CYP4X1: variants seen among roughly 807,000 people sequenced by gnomAD.
CYP4X1 encodes cytochrome P450 4X1.
CYP4X1 carries 44 observed loss-of-function variants against 57.9 expected under a neutral mutation model. That is an observed-to-expected ratio of 0.76 (90% CI 0.60 to 0.98). The LOEUF is 0.98. Ranked by LOEUF, CYP4X1 falls within the 50% of genes least tolerant of loss-of-function variation. The pLI, the probability that CYP4X1 is intolerant of heterozygous loss-of-function variation, is 0.00. For synonymous variants in CYP4X1, 227 were observed against 228.6 expected (o/e 0.99, Z 0.06); for missense variants, 532 against 623.9 (o/e 0.85, Z 1.57).
the CYP4X1 span, among the ~76,000 whole-genome samples, chr1:46,978,087 C>T: frequency 6.6e-6 from 1 of 152,186 alleles, no homozygotes. Flanking sequence ...AAATAACCAG[C>T]TAACATCATA....
chr1:47,044,801 G>A (rs550981602), intron 8 of CYP4X1, among the ~76,000 whole-genome samples: 1 of 151,660 alleles, frequency 6.6e-6, no homozygotes, highest in East Asian at 1.9e-4. Flanking sequence ...ATTATGCAAA[G>A]TGCCAGGGTA....
the CYP4X1 span, among the ~76,000 whole-genome samples, chr1:46,975,463 C>G: frequency 6.6e-6 from 1 of 152,052 alleles, no homozygotes; most frequent in Admixed American, 6.5e-5. Context: ...GTTGGGATTT[C>G]TTTTCTTTAA....
intron 4 of CYP4X1, 37 bp downstream of exon 4, chr1:47,033,405 A>G: frequency 6.2e-7 from 1 of 1,611,544 alleles, no homozygotes; most frequent in Non-Finnish European, 8.5e-7. Flanking sequence ...GCATTGCGAA[A>G]TGCTCCCAGC....
rs759557896 is a variant in CYP4X1 at position 47,033,226 on chromosome 1, C to T, written c.365-15C>T. The T allele has an allele frequency of 1.9e-5, 30 of 1,609,192 alleles. No individual in the cohort carries two copies. Among genetic ancestry groups the T allele is most frequent in the South Asian group, 2.2e-5 (2 of 90,314 alleles). On this transcript the variant is annotated splice_polypyrimidine_tract_variant and intron_variant, in intron 3 of 11. Coordinates refer to ENST00000371901, the MANE Select transcript of CYP4X1 (RefSeq NM_178033.2). ...AATTAAATGGCATAAGGTTTTCTGC[C>T]TTTTATTTCTCAAGGAAAAGGACTA... is the stretch of plus-strand genomic sequence containing the variant.
the CYP4X1 span, among the ~76,000 whole-genome samples, chr1:47,012,573 C>T: frequency 4.6e-4 from 69 of 151,506 alleles, no homozygotes; most frequent in African/African-American, 1.5e-3. Context: ...AAAAAACTAT[C>T]GATATTCAAA....
At chr1:46,977,984 A>T in the CYP4X1 span, among the ~76,000 whole-genome samples, 50 of 152,280 alleles carry the variant, frequency 3.3e-4, no homozygotes, top group Middle Eastern at 3.4e-3. Context: ...AGCACTAAAG[A>T]TGGAAAGGAA....
the CYP4X1 span, among the ~76,000 whole-genome samples, chr1:46,981,547 G>T: frequency 6.4e-3 from 970 of 152,300 alleles, 7 homozygotes; most frequent in African/African-American, 0.022. Context: ...GTGTAAACTA[G>T]TTCAACCATT....
downstream of CYP4X1, among the ~76,000 whole-genome samples, chr1:47,051,822 C>T (rs1353220758): frequency 6.6e-6 from 1 of 152,090 alleles, no homozygotes; most frequent in Non-Finnish European, 1.5e-5. Context: ...TTTTCTGGTA[C>T]AAACCCAAAT....
chr1:46,980,513 G>A, the CYP4X1 span, among the ~76,000 whole-genome samples: 1 of 152,168 alleles, frequency 6.6e-6, no homozygotes, highest in African/African-American at 2.4e-5. Flanking sequence ...CCATGCTCAT[G>A]GATAGGAAAA....
At chr1:47,053,045 T>G (rs1290591795), downstream of CYP4X1, among the ~76,000 whole-genome samples, 2 of 152,160 alleles carry the variant, frequency 1.3e-5, no homozygotes, top group East Asian at 3.9e-4. Flanking sequence ...ATTAGGTATA[T>G]CTCCTAATGC....
intron 8 of CYP4X1, among the ~76,000 whole-genome samples, chr1:47,043,859 C>G (rs1557609989): frequency 6.6e-6 from 1 of 152,134 alleles, no homozygotes; most frequent in East Asian, 1.9e-4. Context: ...CTTCTTGTCT[C>G]TTTTTACAGT....
intron 2 of CYP4X1, among the ~76,000 whole-genome samples, chr1:47,031,066 A>G (rs9793989): frequency 0.094 from 14,337 of 152,282 alleles, 726 homozygotes; most frequent in East Asian, 0.22. Context: ...ACCTCAATAC[A>G]TGGTGTCTAC....
the CYP4X1 span, among the ~76,000 whole-genome samples, chr1:46,972,636 G>A: frequency 6.6e-6 from 1 of 152,066 alleles, no homozygotes; most frequent in Non-Finnish European, 1.5e-5. Context: ...AATTCTTCTT[G>A]TACAGACCTT....
At chr1:46,965,899 C>T in the CYP4X1 span, among the ~76,000 whole-genome samples, 4 of 152,184 alleles carry the variant, frequency 2.6e-5, no homozygotes, top group African/African-American at 9.7e-5. Flanking sequence ...AGAACCCTGG[C>T]TGGAGTGATG....
chr1:46,962,410 G>A, the CYP4X1 span, among the ~76,000 whole-genome samples: 1 of 152,150 alleles, frequency 6.6e-6, no homozygotes, highest in African/African-American at 2.4e-5. Flanking sequence ...GAGCCACCTT[G>A]CCTGGCCAAG....
At chr1:47,029,844 C>T in intron 1 of CYP4X1, 146 bp from the exon 2 acceptor site, 1 of 810,736 alleles carries the variant, frequency 1.2e-6, no homozygotes, top group South Asian at 1.9e-5. Context: ...CTTAGAAGTC[C>T]CAAAGAAAGC....
chr1:46,967,693 C>A, the CYP4X1 span: 1 of 845,040 alleles, frequency 1.2e-6, no homozygotes, highest in African/African-American at 1.8e-5. Context: ...GTCCTTGTCC[C>A]CACAATGGTT....
the CYP4X1 span, among the ~76,000 whole-genome samples, chr1:46,964,268 G>A: frequency 6.6e-6 from 1 of 152,302 alleles, no homozygotes; most frequent in East Asian, 1.9e-4. Flanking sequence ...GTCCATCTTT[G>A]TTCTGTTGCT....
intron 1 of CYP4X1, among the ~76,000 whole-genome samples, chr1:47,028,943 G>A (rs931716418): frequency 3.3e-5 from 5 of 152,204 alleles, no homozygotes; most frequent in Non-Finnish European, 7.3e-5. Flanking sequence ...TAACAAAAAA[G>A]TGCAGTATTT....
Sources: gnomAD v4.1 joint callset for allele counts (sites outside exome capture counted in the v4.1 genomes callset) on GRCh38, gnomAD v4.1.1 for gene constraint, MANE v1.5 for transcripts, NCBI Gene and HGNC (gene_info 2026-07-23, HGNC 2026-07-21) for gene names.